Variants in DGKI observed in about 807,000 individuals in gnomAD.
DGKI encodes the protein DAG kinase iota.
Under a neutral mutation model 147.5 loss-of-function variants are expected in DGKI, and 55 were observed. The ratio of observed to expected loss-of-function variants is 0.37; its 90% CI spans 0.30 to 0.47. The LOEUF (loss-of-function observed/expected upper bound fraction) is 0.47. DGKI is among the 20% of genes least tolerant of loss of function. DGKI has a pLI of 1.00. For synonymous variants in DGKI, 469 were observed against 477.1 expected, an observed-to-expected ratio of 0.98 and a Z score of 0.22; for missense variants, 1,007 against 1,323.8, an observed-to-expected ratio of 0.76 and a Z score of 3.71.
chr7:137,493,261 C>T (rs192643251), intron 21 of DGKI, among the ~76,000 whole-genome samples: 201 of 152,256 alleles, frequency 1.3e-3, no homozygotes, highest in African/African-American at 4.2e-3. Context: ...GCCCCACACC[C>T]GCCAGTGCCC....
At chr7:137,430,828 A>AGG (rs1813041780) in intron 28 of DGKI, among the ~76,000 whole-genome samples, 2 of 152,134 alleles carry the variant, frequency 1.3e-5, no homozygotes, top group Non-Finnish European at 1.5e-5. Context: ...GACCTCTAAA[A>AGG]TAGGGTCAGG....
intron 28 of DGKI, among the ~76,000 whole-genome samples, chr7:137,443,270 G>C (rs535254262): frequency 6.6e-6 from 1 of 152,218 alleles, no homozygotes; most frequent in Admixed American, 6.5e-5. Context: ...GAGGCCATCG[G>C]AGCAGATTTT....
chr7:137,693,900 G>A (rs1823693522), intron 1 of DGKI, among the ~76,000 whole-genome samples: 1 of 152,160 alleles, frequency 6.6e-6, no homozygotes, highest in Admixed American at 6.5e-5. Context: ...CATCAAAACG[G>A]CTTTGTGTGG....
intron 1 of DGKI, among the ~76,000 whole-genome samples, chr7:137,746,980 C>A (rs1373246227): frequency 6.6e-6 from 1 of 152,120 alleles, no homozygotes; most frequent in African/African-American, 2.4e-5. Flanking sequence ...TGAAAATACC[C>A]AGGAGTCAGG....
intron 21 of DGKI, among the ~76,000 whole-genome samples, chr7:137,500,303 G>A (rs1816125555): frequency 6.6e-6 from 1 of 152,042 alleles, no homozygotes; most frequent in Non-Finnish European, 1.5e-5. Context: ...TAAATTAATT[G>A]GTTGAGAAAT....
chr7:137,778,004 G>A (rs576987963), intron 1 of DGKI, among the ~76,000 whole-genome samples: 2 of 152,282 alleles, frequency 1.3e-5, no homozygotes, highest in Non-Finnish European at 1.5e-5. Context: ...GGCAATCACA[G>A]GTAAGACATG....
chr7:137,438,941 T>C (rs1321752035), intron 28 of DGKI, among the ~76,000 whole-genome samples: 1 of 152,154 alleles, frequency 6.6e-6, no homozygotes, highest in African/African-American at 2.4e-5. Context: ...CACGTATCCA[T>C]TCATATGTAA....
chr7:137,424,853 C>T (rs1324349639), intron 28 of DGKI, among the ~76,000 whole-genome samples: 1 of 152,226 alleles, frequency 6.6e-6, no homozygotes, highest in Non-Finnish European at 1.5e-5. Context: ...CCCGCCATTG[C>T]CCAGGCTTGC....
chr7:137,462,983 G>A (rs746303709), intron 27 of DGKI, among the ~76,000 whole-genome samples: 5 of 152,122 alleles, frequency 3.3e-5, no homozygotes, highest in South Asian at 2.1e-4. Context: ...TACCCACAGA[G>A]ACTGCAACCA....
chr7:137,485,959 G>A (rs915769778), intron 22 of DGKI, among the ~76,000 whole-genome samples: 1 of 152,046 alleles, frequency 6.6e-6, no homozygotes, highest in Non-Finnish European at 1.5e-5. Flanking sequence ...AATTAACAGG[G>A]TTGAAATTAA....
intron 23 of DGKI, among the ~76,000 whole-genome samples, chr7:137,472,956 T>G (rs144056128): frequency 6.2e-4 from 94 of 152,230 alleles, no homozygotes; most frequent in Non-Finnish European, 9.6e-4. Flanking sequence ...TGATTTATTG[T>G]TTTAAAAACC....
chr7:137,818,562 C>T (rs1585530107), intron 1 of DGKI, among the ~76,000 whole-genome samples: 2 of 152,298 alleles, frequency 1.3e-5, no homozygotes, highest in South Asian at 4.1e-4. Flanking sequence ...CTACCTCAGC[C>T]TCCCAAGTAG....
intron 21 of DGKI, among the ~76,000 whole-genome samples, chr7:137,489,348 C>T (rs760914434): frequency 2.9e-4 from 44 of 152,238 alleles, no homozygotes; most frequent in Non-Finnish European, 5.4e-4. Context: ...AAGCAAAAGA[C>T]AGTCAGTAGA....
rs1013878089 is a variant in DGKI at position 137,838,684 on chromosome 7, GA to G, written c.401+7777del. 1.1e-4 allele frequency among the ~76,000 whole-genome samples: 17 copies of G among 151,648 alleles called. No homozygotes were observed. The Middle Eastern group carries it at 0.014, about 121-fold the overall frequency. On this transcript the variant is annotated intron_variant, in intron 1 of 32. Transcript: ENST00000614521. Reference sequence around the variant, plus strand: ...TGTCTTATCTTTGCCTTTTTTAGGGGAAAAAAAATGAATTCACCTCCTCAAA... The same window carrying G: ...TGTCTTATCTTTGCCTTTTTTAGGGGAAAAAAATGAATTCACCTCCTCAAA...
chr7:137,571,624 G>T lies in DGKI; in HGVS notation c.1836-338C>A, dbSNP rs561914074. Among the ~76,000 whole-genome samples the T allele has an allele frequency of 3.3e-5, 5 of 152,304 alleles. No individual in the cohort carries two copies. In the East Asian group the frequency reaches 9.6e-4, roughly 29 times the overall value. On this transcript the variant is annotated intron_variant, in intron 18 of 32. Transcript: ENST00000614521. ...GTTTCAGAATTTGGTCTTAAAGGAA[G>T]ATGTATGCATGCCAGTAGAAAAGAG...
At chr7:137,401,984 G>A (rs1811777842) in intron 30 of DGKI, among the ~76,000 whole-genome samples, 1 of 152,162 alleles carries the variant, frequency 6.6e-6, no homozygotes, top group South Asian at 2.1e-4. Flanking sequence ...GGAATATGGA[G>A]GACACAGACC....
intron 1 of DGKI, among the ~76,000 whole-genome samples, chr7:137,721,077 C>T (rs1473003325): frequency 6.6e-6 from 1 of 152,168 alleles, no homozygotes; most frequent in Non-Finnish European, 1.5e-5. Context: ...AGACTCACAT[C>T]CTACTTTTTA....
At chr7:137,815,680 T>G (rs1432872899) in intron 1 of DGKI, among the ~76,000 whole-genome samples, 1 of 152,194 alleles carries the variant, frequency 6.6e-6, no homozygotes, top group African/African-American at 2.4e-5. Context: ...CGGGCTTAGG[T>G]GACACTCGTA....
chr7:137,442,229 T>A (rs1054671848), intron 28 of DGKI, among the ~76,000 whole-genome samples: 40 of 152,178 alleles, frequency 2.6e-4, no homozygotes, highest in African/African-American at 9.6e-4. Context: ...TAATCACATA[T>A]AAGGTTCTTA....
Sources: allele counts gnomAD v4.1 joint callset (sites outside exome capture counted in the v4.1 genomes callset), GRCh38; gene constraint gnomAD v4.1.1; transcripts MANE v1.5; gene names NCBI Gene and HGNC (gene_info 2026-07-23, HGNC 2026-07-21).